Variants in COPS5 observed in about 807,000 individuals in gnomAD.
COPS5 encodes COP9 signalosome complex subunit 5.
COPS5 carries 8 observed loss-of-function variants against 44.4 expected under a neutral mutation model. The ratio of observed to expected loss-of-function variants is 0.18; its 90% confidence interval spans 0.11 to 0.32. The LOEUF (loss-of-function observed/expected upper bound fraction) is 0.32. COPS5 is among the 10% of genes least tolerant of loss of function. COPS5 has a pLI of 1.00. For synonymous variants in COPS5, 122 were observed against 142.8 expected (o/e 0.85, Z 1.04); for missense variants, 159 against 406.4 (o/e 0.39, Z 5.23).
At position 67,056,499 on chromosome 8, in the gene COPS5, T is replaced by C; in HGVS notation, c.659+20A>G. 1.1e-6 allele frequency: 1 copy of C among 930,932 alleles called. No individual in the cohort carries two copies. The allele number at this position is 930,932 out of a possible 1,614,324, so 57.7% of individuals were successfully genotyped here. A position where few individuals can be genotyped will look rare whatever the true frequency, so the allele number is the denominator to read the frequency against. On this transcript the variant is annotated intron_variant, in intron 5 of 7. Coordinates refer to ENST00000357849, the MANE Select transcript of COPS5 (RefSeq NM_006837.3). ...TGTGAGTCACCGTGCCTGGCCCAGATATGTTTTTAAATTACTTACTGTTTG... is the reference window on the plus strand; with the variant it reads ...TGTGAGTCACCGTGCCTGGCCCAGACATGTTTTTAAATTACTTACTGTTTG...
At chr8:67,049,334 C>T (rs946891727) in intron 6 of COPS5, among the ~76,000 whole-genome samples, 9 of 152,116 alleles carry the variant, frequency 5.9e-5, no homozygotes, top group Non-Finnish European at 1.0e-4. Context: ...TGTGGTGGCT[C>T]ACCCTTGTAG....
Position 67,061,979 on chromosome 8 carries a change from G to A in COPS5, c.18C>T (p.Ser6=), listed in dbSNP as rs772964914. 2 of 1,614,210 alleles carry A rather than the reference G, an allele frequency of 1.2e-6. No individual in the cohort carries two copies. Among genetic ancestry groups the A allele is most frequent in the Non-Finnish European group, 8.5e-7 (1 of 1,180,036 alleles). Residue 6 remains serine, a synonymous_variant, in exon 1 of 8, where the codon AGC becomes AGT. Transcript: ENST00000357849. MAASG[S]GMAQKTWELA... is the part of the protein sequence containing the mutation. ...GTTCCCAGGTTTTCTGGGCCATACC[G>A]CTCCCGGACGCCGCCATCGCCGAGG...
intron 5 of COPS5, 71 bp downstream of exon 5, chr8:67,056,448 G>T: frequency 2.0e-6 from 1 of 504,018 alleles, no homozygotes; most frequent in Non-Finnish European, 3.7e-6. Context: ...TCTCACTGTG[G>T]CTTCCCAAAG....
At chr8:67,049,996 ACT>A (rs1490940566) in intron 6 of COPS5, among the ~76,000 whole-genome samples, 25 of 148,396 alleles carry the variant, frequency 1.7e-4, no homozygotes, top group Admixed American at 5.4e-4. Context: ...ATTCAGTGAT[ACT>A]CTCTTTTTTT....
rs1290583132 is a variant in COPS5, at chr8:67,059,202, C to A, written c.378+9G>T. ...GCAATTACTAAACTATAAGAAACAACATTTTTACCTGTTTTGCATTTTCTA... is the reference window on the plus strand; with the variant it reads ...GCAATTACTAAACTATAAGAAACAAAATTTTTACCTGTTTTGCATTTTCTA... On this transcript the variant is annotated intron_variant, in intron 2 of 7. Coordinates refer to ENST00000357849, the MANE Select transcript of COPS5 (RefSeq NM_006837.3). 6.2e-7 allele frequency: 1 copy of A among 1,605,772 alleles called. No individual in the cohort carries two copies. Among genetic ancestry groups the A allele is most frequent in the Non-Finnish European group, 8.5e-7 (1 of 1,172,714 alleles).
Position 67,043,216 on chromosome 8 carries a change from T to G in COPS5, c.*17A>C. The G allele has an allele frequency of 7.2e-7, 1 of 1,390,178 alleles. No individual in the cohort carries two copies. Among genetic ancestry groups the G allele is most frequent in the Non-Finnish European group, 1.0e-6 (1 of 986,774 alleles). 86.1% of individuals were successfully genotyped at this position (1,390,178 alleles called of 1,614,324 possible). A position where few individuals can be genotyped will look rare whatever the true frequency, so the allele number is the denominator to read the frequency against. Reference sequence around the variant, plus strand: ...TTCTCATACTGTCTTTCAGGTAAAGTACTTCTCAGAGACTGTTTAAGAGAT... The same window carrying G: ...TTCTCATACTGTCTTTCAGGTAAAGGACTTCTCAGAGACTGTTTAAGAGAT... On this transcript the variant is annotated 3_prime_UTR_variant, in exon 8 of 8. Coordinates refer to ENST00000357849, the MANE Select transcript of COPS5 (RefSeq NM_006837.3).
At chr8:67,046,540 G>A (rs1816701132) in intron 6 of COPS5, among the ~76,000 whole-genome samples, 1 of 151,976 alleles carries the variant, frequency 6.6e-6, no homozygotes, top group South Asian at 2.1e-4. Context: ...GCTTTTCTGG[G>A]TCGGGCGCGG....
intron 1 of COPS5, chr8:67,061,281 G>A (rs74713534): frequency 0.039 from 14,294 of 366,552 alleles, 432 homozygotes; most frequent in African/African-American, 0.097. Context: ...GTGTGCCTCC[G>A]AAATAATTAC....
chr8:67,047,146 G>A (rs1386337482), intron 6 of COPS5, among the ~76,000 whole-genome samples: 1 of 152,142 alleles, frequency 6.6e-6, no homozygotes, highest in Non-Finnish European at 1.5e-5. Flanking sequence ...AGAAGAGTAT[G>A]AAGAGGAAAT....
intron 6 of COPS5, among the ~76,000 whole-genome samples, chr8:67,047,486 G>C (rs1275865654): frequency 6.6e-6 from 1 of 152,076 alleles, no homozygotes; most frequent in East Asian, 1.9e-4. Flanking sequence ...GACAATAAAA[G>C]ATATCCAATT....
At chr8:67,045,133 A>G (rs1816683550) in intron 7 of COPS5, 1 of 152,120 alleles carries the variant, frequency 6.6e-6, no homozygotes, top group South Asian at 2.1e-4. Flanking sequence ...GCTTTATTGA[A>G]TATTAACATC....
intron 1 of COPS5, 167 bp from the exon 2 acceptor site, chr8:67,059,612 CAAT>C: frequency 1.6e-6 from 1 of 607,254 alleles, no homozygotes. Context: ...AGGCTGGAAA[CAAT>C]AAGTATGTCA....
intron 5 of COPS5, 122 bp downstream of exon 5, chr8:67,056,397 G>T: frequency 2.9e-6 from 1 of 342,580 alleles, no homozygotes; most frequent in Non-Finnish European, 5.7e-6. Context: ...GTCTCACTAT[G>T]TTGCCCAGGC....
At chr8:67,061,249 G>T in intron 1 of COPS5, 1 of 305,492 alleles carries the variant, frequency 3.3e-6, no homozygotes, top group South Asian at 2.6e-5. Context: ...TAACATTTTA[G>T]AGACCAGGTA....
At chr8:67,059,947 T>C (rs1804561453) in intron 1 of COPS5, 1 of 167,440 alleles carries the variant, frequency 6.0e-6, no homozygotes, top group Non-Finnish European at 1.3e-5. Flanking sequence ...AATAGGGATA[T>C]TCATAATTGT....
intron 3 of COPS5, 80 bp from the exon 4 acceptor site, chr8:67,057,525 T>C (rs1288450321): frequency 3.1e-6 from 3 of 974,102 alleles, no homozygotes; most frequent in Non-Finnish European, 4.8e-6. Context: ...TAGAAATGTA[T>C]ACATACATAT....
intron 5 of COPS5, among the ~76,000 whole-genome samples, chr8:67,053,594 G>A (rs1008431647): frequency 2.0e-5 from 3 of 151,600 alleles, no homozygotes; most frequent in South Asian, 2.1e-4. Flanking sequence ...CCAGCTACTC[G>A]GGAGGCTGAG....
At chr8:67,051,181 T>C (rs375381182) in intron 6 of COPS5, 49 bp downstream of exon 6, 8 of 1,193,796 alleles carry the variant, frequency 6.7e-6, no homozygotes, top group Non-Finnish European at 1.0e-5. Context: ...TAAACGGCTA[T>C]GAAGCTTAGA....
At chr8:67,060,286 G>T in intron 1 of COPS5, 1 of 1,100,216 alleles carries the variant, frequency 9.1e-7, no homozygotes, top group Non-Finnish European at 1.1e-6. Flanking sequence ...AGTGAGGCAG[G>T]CCAACAGTTT....
Sources: allele counts gnomAD v4.1 joint callset (sites outside exome capture counted in the v4.1 genomes callset), GRCh38; gene constraint gnomAD v4.1.1; transcripts MANE v1.5; gene names NCBI Gene and HGNC (gene_info 2026-07-23, HGNC 2026-07-21).